Variants in PRELID2 observed in about 807,000 individuals in gnomAD.
PRELID2 encodes the protein PRELI domain-containing protein 2.
In PRELID2, 25 loss-of-function variants were observed where a neutral mutation model predicts 28.4. That is an observed-to-expected ratio of 0.88 (90% CI 0.64 to 1.23). The LOEUF is 1.23. Ranked by LOEUF, PRELID2 falls within the 50% of genes most tolerant of loss-of-function variation. The pLI is 0.00. For missense variants in PRELID2, 201 were observed against 214.4 expected, an observed-to-expected ratio of 0.94 and a Z score of 0.39; for synonymous variants, 76 against 71.6, an observed-to-expected ratio of 1.06 and a Z score of -0.31.
the PRELID2 span, among the ~76,000 whole-genome samples, chr5:145,412,425 T>C: frequency 3.3e-5 from 5 of 152,170 alleles, no homozygotes; most frequent in African/African-American, 1.2e-4. Flanking sequence ...TTATTCCAGT[T>C]CCCAACAAGT....
At chr5:145,539,872 G>A (rs995428013) in intron 1 of PRELID2, among the ~76,000 whole-genome samples, 1 of 151,734 alleles carries the variant, frequency 6.6e-6, no homozygotes, top group Non-Finnish European at 1.5e-5. Context: ...TACAAGGTAT[G>A]ATTGGAACTA....
rs1158117115 is a variant in PRELID2, at chr5:145,613,278, CT to C, written n.71-139964del. ...TGTTTGCTGGCTATTTGTATATCTT[CT>C]TTTTTTATTTTTATTTATTTATTTT... is the stretch of plus-strand genomic sequence containing the variant. On this transcript the variant is annotated intron_variant and non_coding_transcript_variant, in intron 1 of 2. Coordinates refer to the PRELID2 transcript ENST00000510259. Among the ~76,000 whole-genome samples, 8 of 151,926 alleles carry C rather than the reference CT, an allele frequency of 5.3e-5. No individual in the cohort carries two copies. In the South Asian group the frequency reaches 1.0e-3, roughly 20 times the overall value.
At chr5:145,447,495 A>T in the PRELID2 span, among the ~76,000 whole-genome samples, 1 of 139,220 alleles carries the variant, frequency 7.2e-6, no homozygotes. Flanking sequence ...TTATACTTTA[A>T]GTTTTAGGGT....
the PRELID2 span, among the ~76,000 whole-genome samples, chr5:145,276,678 G>A: frequency 6.6e-6 from 1 of 152,044 alleles, no homozygotes; most frequent in Non-Finnish European, 1.5e-5. Flanking sequence ...TTCATTAATA[G>A]CTGTGATGCT....
intron 1 of PRELID2, among the ~76,000 whole-genome samples, chr5:145,642,966 T>A (rs1046151165): frequency 3.3e-5 from 5 of 152,192 alleles, no homozygotes; most frequent in African/African-American, 1.2e-4. Flanking sequence ...TCCAGCTTTG[T>A]TCTTTTGGCT....
intron 1 of PRELID2, among the ~76,000 whole-genome samples, chr5:145,691,530 C>T (rs1755149902): frequency 6.6e-6 from 1 of 152,070 alleles, no homozygotes; most frequent in Admixed American, 6.6e-5. Flanking sequence ...ACAGTGAAAC[C>T]CGGTCTCTAC....
chr5:145,379,738 A>G, the PRELID2 span, among the ~76,000 whole-genome samples: 2 of 152,128 alleles, frequency 1.3e-5, no homozygotes, highest in African/African-American at 2.4e-5. Context: ...AAGCTACAGC[A>G]TAAGGAGGGA....
intron 1 of PRELID2, among the ~76,000 whole-genome samples, chr5:145,740,081 A>T (rs1433140176): frequency 1.3e-5 from 2 of 150,684 alleles, no homozygotes; most frequent in Non-Finnish European, 3.0e-5. Flanking sequence ...ATATGCTATT[A>T]ACAAGAAACT....
At chr5:145,287,573 C>G in the PRELID2 span, among the ~76,000 whole-genome samples, 1 of 152,084 alleles carries the variant, frequency 6.6e-6, no homozygotes, top group Non-Finnish European at 1.5e-5. Context: ...TCATGTGTAA[C>G]TGAAACCACA....
chr5:145,345,551 T>A, the PRELID2 span, among the ~76,000 whole-genome samples: 2 of 152,202 alleles, frequency 1.3e-5, no homozygotes, highest in East Asian at 3.9e-4. Flanking sequence ...GCCTTTCTCA[T>A]CATCTTAGCT....
At chr5:145,318,337 A>T in the PRELID2 span, among the ~76,000 whole-genome samples, 2 of 152,212 alleles carry the variant, frequency 1.3e-5, no homozygotes, top group Non-Finnish European at 2.9e-5. Context: ...TTCCTTTACT[A>T]AAACTCTCAT....
chr5:145,476,793 CAGG>C (rs1752106213), intron 1 of PRELID2, among the ~76,000 whole-genome samples: 2 of 151,940 alleles, frequency 1.3e-5, no homozygotes, highest in South Asian at 4.2e-4. Context: ...TGGTGTTGGG[CAGG>C]AGTATTCTGT....
chr5:145,446,974 G>A, the PRELID2 span, among the ~76,000 whole-genome samples: 3 of 151,646 alleles, frequency 2.0e-5, no homozygotes, highest in South Asian at 6.2e-4. Context: ...ACTTGAACCT[G>A]GGAGGTGGAG....
At chr5:145,268,330 T>TG in the PRELID2 span, among the ~76,000 whole-genome samples, 13,362 of 152,176 alleles carry the variant, frequency 0.088, 1,294 homozygotes, top group African/African-American at 0.24. Context: ...GCAAAAGATA[T>TG]GGGCTCTAGT....
intron 1 of PRELID2, among the ~76,000 whole-genome samples, chr5:145,549,017 C>T (rs9324984): frequency 6.6e-6 from 1 of 152,004 alleles, no homozygotes; most frequent in Admixed American, 6.5e-5. Flanking sequence ...GCCCCCAATA[C>T]TCTTCTCCTG....
intron 1 of PRELID2, among the ~76,000 whole-genome samples, chr5:145,750,167 T>G (rs891129769): frequency 6.6e-6 from 1 of 152,006 alleles, no homozygotes; most frequent in Non-Finnish European, 1.5e-5. Context: ...GCCGAGAAGT[T>G]GTCACTGGAG....
chr5:145,720,429 C>A (rs1755956134), intron 1 of PRELID2, among the ~76,000 whole-genome samples: 1 of 151,170 alleles, frequency 6.6e-6, no homozygotes, highest in Non-Finnish European at 1.5e-5. Context: ...ACATACAGAT[C>A]AAGGCAAGAA....
the PRELID2 span, among the ~76,000 whole-genome samples, chr5:145,266,689 GTATC>G: frequency 6.6e-6 from 1 of 152,124 alleles, no homozygotes; most frequent in African/African-American, 2.4e-5. Flanking sequence ...CCACTCCTGG[GTATC>G]TACTCAGAGG....
chr5:145,478,729 A>T (rs1752130079), intron 1 of PRELID2, among the ~76,000 whole-genome samples: 1 of 152,114 alleles, frequency 6.6e-6, no homozygotes, highest in East Asian at 1.9e-4. Context: ...AGAATTATAA[A>T]TGTTATGTTT....
Sources: allele counts gnomAD v4.1 joint callset (sites outside exome capture counted in the v4.1 genomes callset), GRCh38; gene constraint gnomAD v4.1.1; transcripts MANE v1.5; gene names NCBI Gene and HGNC (gene_info 2026-07-23, HGNC 2026-07-21).